Variants in ALK observed in about 807,000 individuals in gnomAD.
ALK encodes ALK receptor tyrosine kinase.
Under a neutral mutation model 163.1 loss-of-function variants are expected in ALK, and 74 were observed. That is an observed-to-expected ratio of 0.45 (90% CI 0.38 to 0.55). The LOEUF is 0.55. ALK is among the 20% of genes least tolerant of loss of function. The pLI is 0.00. For synonymous variants in ALK, 960 were observed against 843.2 expected (o/e 1.14, Z -2.40); for missense variants, 2,063 against 2,105.3 (o/e 0.98, Z 0.39).
At chr2:29,625,012 C>T (rs1257167950) in intron 3 of ALK, among the ~76,000 whole-genome samples, 1 of 152,142 alleles carries the variant, frequency 6.6e-6, no homozygotes. Context: ...ATGTGGTTCA[C>T]ATTTGCCCAC....
chr2:29,762,033 G>T (rs1680720478), intron 1 of ALK, among the ~76,000 whole-genome samples: 1 of 152,178 alleles, frequency 6.6e-6, no homozygotes, highest in Non-Finnish European at 1.5e-5. Flanking sequence ...ATCGCAATCT[G>T]CACAATGTAA....
chr2:29,527,185 G>A (rs1672979938), intron 4 of ALK, among the ~76,000 whole-genome samples: 1 of 152,200 alleles, frequency 6.6e-6, no homozygotes, highest in South Asian at 2.1e-4. Context: ...GGTGGAATCA[G>A]GATTGAAACC....
In ALK at chr2:29,672,242, T is replaced by G. The variant is rs374242258; in HGVS notation, c.952+22608A>C. Among the ~76,000 whole-genome samples, 381 of 152,006 alleles carry G rather than the reference T, an allele frequency of 2.5e-3. 2 individuals carry two copies. The highest frequency in any genetic ancestry group is 3.4e-3 in the Middle Eastern group (1 of 294). ...GCACATTGTGCAGGTTAGTTACATA[T>G]GTATACATGTGCCACGCTGGTGCAC... On this transcript the variant is annotated intron_variant, in intron 3 of 28. Coordinates refer to ENST00000389048, the MANE Select transcript of ALK (RefSeq NM_004304.5).
intron 4 of ALK, among the ~76,000 whole-genome samples, chr2:29,476,007 TGGGGCAGAGACTCA>T (rs1276315648): frequency 1.3e-5 from 2 of 152,108 alleles, no homozygotes; most frequent in Non-Finnish European, 2.9e-5. Context: ...GCAGGGACAG[TGGGGCAGAGACTCA>T]GGCCAGGGAG....
intron 3 of ALK, among the ~76,000 whole-genome samples, chr2:29,563,302 C>G (rs547190731): frequency 3.0e-4 from 46 of 152,256 alleles, no homozygotes; most frequent in African/African-American, 9.6e-4. Context: ...ACACCTAGCG[C>G]TATTCAGAAA....
At chr2:29,652,912 G>C (rs758245613) in intron 3 of ALK, among the ~76,000 whole-genome samples, 2 of 151,914 alleles carry the variant, frequency 1.3e-5, no homozygotes, top group Non-Finnish European at 2.9e-5. Flanking sequence ...ACATAAGTAA[G>C]TTTCTCTGAG....
chr2:29,831,976 G>C (rs575941111), intron 1 of ALK, among the ~76,000 whole-genome samples: 1 of 152,190 alleles, frequency 6.6e-6, no homozygotes, highest in Non-Finnish European at 1.5e-5. Context: ...TGGTCTTATC[G>C]TTCAAAGATC....
At chr2:29,684,533 G>A (rs988255024) in intron 3 of ALK, among the ~76,000 whole-genome samples, 1 of 152,222 alleles carries the variant, frequency 6.6e-6, no homozygotes, top group African/African-American at 2.4e-5. Context: ...GGCTGTGGCT[G>A]CCTTGGACAG....
chr2:29,844,326 C>T lies in ALK; in HGVS notation c.667+75667G>A, dbSNP rs569118903. On this transcript the variant is annotated intron_variant, in intron 1 of 28. Transcript: ENST00000389048. ...GGCAGAGAGAATGAGCAGTGCCCCCCGGGGCCAGTGGGGAGCAGGTGCAGA... is the reference window on the plus strand; with the variant it reads ...GGCAGAGAGAATGAGCAGTGCCCCCTGGGGCCAGTGGGGAGCAGGTGCAGA... 4.6e-5 allele frequency among the ~76,000 whole-genome samples: 7 copies of T among 152,224 alleles called. No homozygotes were observed. In the South Asian group the frequency reaches 6.2e-4, roughly 14 times the overall value.
chr2:29,632,009 G>C (rs2148237657), intron 3 of ALK, among the ~76,000 whole-genome samples: 1 of 152,346 alleles, frequency 6.6e-6, no homozygotes, highest in South Asian at 2.1e-4. Context: ...CTGAAGGGTA[G>C]AAATAAGAAA....
At chr2:29,323,704 AC>A (rs1416782992) in intron 6 of ALK, among the ~76,000 whole-genome samples, 1 of 151,980 alleles carries the variant, frequency 6.6e-6, no homozygotes, top group Non-Finnish European at 1.5e-5. Context: ...CGGAACAAAG[AC>A]CCCTGTGGAT....
chr2:29,317,077 G>A (rs904535700), intron 8 of ALK, among the ~76,000 whole-genome samples: 63 of 152,086 alleles, frequency 4.1e-4, no homozygotes, highest in Admixed American at 1.3e-4. Flanking sequence ...TGAGAAACTC[G>A]AGGGGCTTGA....
At chr2:29,299,942 G>A (rs529127471) in intron 8 of ALK, among the ~76,000 whole-genome samples, 1 of 152,270 alleles carries the variant, frequency 6.6e-6, no homozygotes, top group East Asian at 1.9e-4. Context: ...CTGCAGTTTT[G>A]GAAACACGGT....
At chr2:29,637,030 G>C (rs1676554659) in intron 3 of ALK, among the ~76,000 whole-genome samples, 1 of 152,174 alleles carries the variant, frequency 6.6e-6, no homozygotes, top group Non-Finnish European at 1.5e-5. Flanking sequence ...CAGTTTGGCA[G>C]TTTCTTATAA....
At chr2:29,642,509 T>C (rs564678943) in intron 3 of ALK, among the ~76,000 whole-genome samples, 2 of 152,332 alleles carry the variant, frequency 1.3e-5, no homozygotes, top group Non-Finnish European at 2.9e-5. Context: ...TAAAATCTCC[T>C]GCATATTTCT....
intron 1 of ALK, among the ~76,000 whole-genome samples, chr2:29,731,677 A>G (rs2148317854): frequency 6.6e-6 from 1 of 152,364 alleles, no homozygotes; most frequent in Non-Finnish European, 1.5e-5. Flanking sequence ...ATGGAAAATG[A>G]AAATATTTCC....
At chr2:29,313,539 C>T (rs1485527049) in intron 8 of ALK, among the ~76,000 whole-genome samples, 2 of 152,158 alleles carry the variant, frequency 1.3e-5, no homozygotes, top group Non-Finnish European at 2.9e-5. Flanking sequence ...ACAGTAATGC[C>T]AGTTCTGATG....
At chr2:29,314,559 G>C (rs1666777287) in intron 8 of ALK, among the ~76,000 whole-genome samples, 1 of 152,118 alleles carries the variant, frequency 6.6e-6, no homozygotes, top group South Asian at 2.1e-4. Context: ...TGGCCAGGTA[G>C]GAAAACCAGC....
chr2:29,791,159 C>T (rs1228428653), intron 1 of ALK, among the ~76,000 whole-genome samples: 1 of 152,158 alleles, frequency 6.6e-6, no homozygotes, highest in African/African-American at 2.4e-5. Context: ...TGTTGTCAGA[C>T]AATATTTCCA....
Sources: allele counts gnomAD v4.1 joint callset (sites outside exome capture counted in the v4.1 genomes callset), GRCh38; gene constraint gnomAD v4.1.1; transcripts MANE v1.5; gene names NCBI Gene and HGNC (gene_info 2026-07-23, HGNC 2026-07-21).